The following AXIN2 variants were observed in gnomAD, a reference collection of about 807,000 sequenced individuals.
The protein encoded by AXIN2 is axin 2.
A neutral mutation model predicts 74.7 loss-of-function variants in AXIN2; 21 were observed. The ratio of observed to expected loss-of-function variants is 0.28; its 90% CI spans 0.20 to 0.40. The LOEUF is 0.40. Ranked by LOEUF, AXIN2 falls within the 10% of genes least tolerant of loss-of-function variation. The pLI is 1.00. For missense variants in AXIN2, 1,144 were observed against 1,111.1 expected (o/e 1.03, Z -0.42); for synonymous variants, 532 against 454.9 (o/e 1.17, Z -2.16).
In AXIN2 at chr17:65,549,606, G is replaced by T. The variant is rs1312733411; in HGVS notation, c.870C>A (p.Val290=). 6.2e-7 allele frequency: 1 copy of T among 1,606,070 alleles called. No homozygotes were observed. Among genetic ancestry groups the T allele is most frequent in the Admixed American group, 1.7e-5 (1 of 58,880 alleles). ...CGTTGGCGCTGGTGGCTGGTGCAAA[G>T]ACATAGCCAGAACCTATGTGATAAG... ...VNPYHIGSGY[V]FAPATSANDS... The change falls in exon 3 of 11, where the codon GTC becomes GTA. Residue 290 remains valine, a synonymous_variant. Transcript: ENST00000307078.
intron 1 of AXIN2, 130 bp downstream of exon 1, chr17:65,561,320 G>A (rs2044371470): frequency 7.7e-6 from 1 of 129,360 alleles, no homozygotes; most frequent in African/African-American, 2.8e-5. Context: ...CCCCCTCCAG[G>A]CCCGGCCTCC....
At chr17:65,551,258 T>C (rs915571164) in intron 2 of AXIN2, among the ~76,000 whole-genome samples, 2 of 151,434 alleles carry the variant, frequency 1.3e-5, no homozygotes, top group Non-Finnish European at 2.9e-5. Flanking sequence ...ATGGGACTCA[T>C]GGTTGAGCAG....
chr17:65,543,199 A>G (rs1188671951), intron 3 of AXIN2, among the ~76,000 whole-genome samples: 1 of 152,204 alleles, frequency 6.6e-6, no homozygotes, highest in Non-Finnish European at 1.5e-5. Flanking sequence ...TACTGCCCCA[A>G]AGAAAGGTAA....
intron 10 of AXIN2, among the ~76,000 whole-genome samples, chr17:65,530,681 C>T (rs1184327368): frequency 6.6e-6 from 1 of 152,214 alleles, no homozygotes; most frequent in Admixed American, 6.5e-5. Flanking sequence ...ATGGCCCTGG[C>T]ACAGCCACAC....
At chr17:65,540,537 T>A (rs1055853597) in intron 4 of AXIN2, among the ~76,000 whole-genome samples, 7 of 152,118 alleles carry the variant, frequency 4.6e-5, no homozygotes, top group Non-Finnish European at 8.8e-5. Flanking sequence ...CAAAAATAGG[T>A]CATCAAACCT....
intron 2 of AXIN2, among the ~76,000 whole-genome samples, chr17:65,557,460 C>A (rs759938314): frequency 6.6e-6 from 1 of 152,160 alleles, no homozygotes; most frequent in African/African-American, 2.4e-5. Context: ...CTTCCAAAAC[C>A]GGCGCTTAGT....
chr17:65,538,085 G>A (rs1041769552), intron 5 of AXIN2, 118 bp downstream of exon 5: 2 of 1,550,390 alleles, frequency 1.3e-6, no homozygotes, highest in Non-Finnish European at 1.7e-6. Flanking sequence ...CAGCCCACGC[G>A]CATGCGCATG....
chr17:65,529,756 T>C lies in AXIN2; in HGVS notation c.*220A>G, dbSNP rs556547077. 205 of 638,260 alleles carry C rather than the reference T, an allele frequency of 3.2e-4. 1 individual carries two copies. In the Middle Eastern group the frequency reaches 4.4e-3, roughly 14 times the overall value. 39.5% of individuals were successfully genotyped at this position (638,260 alleles called of 1,614,324 possible). Reference sequence around the variant, plus strand: ...CAAGAGTGGTCATGTTTTTAATAAATAGTTCAGGCTTTTCTTATCTCAGTC... The same window carrying C: ...CAAGAGTGGTCATGTTTTTAATAAACAGTTCAGGCTTTTCTTATCTCAGTC... On this transcript the variant is annotated 3_prime_UTR_variant, in exon 11 of 11. Transcript: ENST00000307078.
chr17:65,540,613 G>T (rs1043103819), intron 4 of AXIN2, among the ~76,000 whole-genome samples: 1 of 152,160 alleles, frequency 6.6e-6, no homozygotes, highest in Non-Finnish European at 1.5e-5. Context: ...AATGGTGGAA[G>T]TGCACCTAGT....
chr17:65,545,446 T>G (rs552324121), intron 3 of AXIN2, among the ~76,000 whole-genome samples: 1 of 152,170 alleles, frequency 6.6e-6, no homozygotes, highest in African/African-American at 2.4e-5. Context: ...TCCCACCACT[T>G]TAGGAGGCCG....
At chr17:65,538,119 C>T in intron 5 of AXIN2, 84 bp downstream of exon 5, 1 of 1,600,040 alleles carries the variant, frequency 6.2e-7, no homozygotes, top group Non-Finnish European at 8.5e-7. Context: ...TGCGCACACC[C>T]TAACGCACCC....
At chr17:65,539,617 A>G (rs906374521) in intron 4 of AXIN2, among the ~76,000 whole-genome samples, 1 of 152,230 alleles carries the variant, frequency 6.6e-6, no homozygotes, top group African/African-American at 2.4e-5. Context: ...AGCAATTTTA[A>G]TATGCTAATT....
chr17:65,532,272 C>T (rs566176412), intron 10 of AXIN2, among the ~76,000 whole-genome samples: 13 of 152,344 alleles, frequency 8.5e-5, no homozygotes, highest in African/African-American at 3.1e-4. Context: ...GGCACTTTCC[C>T]CACAAGCCTA....
chr17:65,536,236 A>C (rs2043911746), intron 8 of AXIN2, 84 bp downstream of exon 8: 1 of 1,381,344 alleles, frequency 7.2e-7, no homozygotes, highest in Non-Finnish European at 1.0e-6. Context: ...AGGCAGAAAG[A>C]GAGGCCCTCC....
chr17:65,538,041 GCA>G, intron 5 of AXIN2, 160 bp downstream of exon 5: 3 of 1,400,090 alleles, frequency 2.1e-6, no homozygotes, highest in East Asian at 2.5e-5. Flanking sequence ...ATGCACATGC[GCA>G]CACAGCCCAC....
chr17:65,555,473 G>A (rs2044253735), intron 2 of AXIN2, among the ~76,000 whole-genome samples: 1 of 152,122 alleles, frequency 6.6e-6, no homozygotes, highest in African/African-American at 2.4e-5. Flanking sequence ...AATGGAAAAT[G>A]GGCTAAGCCA....
Position 65,536,876 on chromosome 17 carries a change from G to T in AXIN2, c.1900C>A (p.Pro634Thr), listed in dbSNP as rs141699123. ...LESERQSKPK[P>T]HSAQSTKKAY... The stretch of plus-strand genomic sequence containing the variant: ...GCGGCAAGCGGTGTTTACCTATGGG[G>T]CTTGGGCTTGCTCTGCCGCTCACTC... Residue 634 changes from proline to threonine, a missense_variant, in exon 7 of 11, where the codon CCC becomes ACC. Physicochemically the swap from Pro to Thr is conservative, Grantham distance 38. Around this residue, in one of 4 missense-constraint regions of AXIN2, gnomAD observed 1,053 missense variants for 973.5 expected, o/e 1.08. Coordinates refer to ENST00000307078, the MANE Select transcript of AXIN2 (RefSeq NM_004655.4). 1 of 1,613,230 alleles carries T rather than the reference G, an allele frequency of 6.2e-7. No homozygotes were observed. Among genetic ancestry groups the T allele is most frequent in the South Asian group, 1.1e-5 (1 of 91,048 alleles).
intron 2 of AXIN2, among the ~76,000 whole-genome samples, chr17:65,554,725 A>C (rs950690598): frequency 1.7e-4 from 26 of 152,318 alleles, no homozygotes; most frequent in Non-Finnish European, 3.1e-4. Context: ...CTTTTAAGGG[A>C]GGCCAGAGCA....
chr17:65,550,136 G>T (rs2044170588), intron 2 of AXIN2, among the ~76,000 whole-genome samples: 1 of 152,204 alleles, frequency 6.6e-6, no homozygotes, highest in South Asian at 2.1e-4. Flanking sequence ...GGGTCTGTTA[G>T]CCCAGTCCAG....
Sources: allele counts gnomAD v4.1 joint callset (sites outside exome capture counted in the v4.1 genomes callset), GRCh38; gene constraint gnomAD v4.1.1; regional missense constraint gnomAD v4.1.1; transcripts MANE v1.5; gene names NCBI Gene and HGNC (gene_info 2026-07-23, HGNC 2026-07-21).